Variants in HSPA12A observed in about 807,000 individuals in gnomAD.
HSPA12A encodes heat shock protein family A (Hsp70) member 12A, also known as heat shock 70 kDa protein 12A.
HSPA12A carries 28 observed loss-of-function variants against 69.2 expected under a neutral mutation model. That is an observed-to-expected ratio of 0.40 (90% confidence interval 0.30 to 0.55). HSPA12A has a LOEUF of 0.55. Among genes scored for constraint, HSPA12A ranks in the 20% least tolerant of loss-of-function variants. The pLI is 0.38. For missense variants in HSPA12A, 686 were observed against 900.7 expected (o/e 0.76, Z 3.05); for synonymous variants, 345 against 370.5 (o/e 0.93, Z 0.79).
intron 2 of HSPA12A, among the ~76,000 whole-genome samples, chr10:116,801,140 T>C (rs965430163): frequency 6.6e-6 from 1 of 152,238 alleles, no homozygotes; most frequent in Non-Finnish European, 1.5e-5. Flanking sequence ...CAACACATCC[T>C]ATTTCCGGTC....
intron 2 of HSPA12A, among the ~76,000 whole-genome samples, chr10:116,828,046 T>C (rs1239069598): frequency 1.3e-5 from 2 of 152,232 alleles, no homozygotes; most frequent in African/African-American, 4.8e-5. Flanking sequence ...TTGCCTTAGT[T>C]TCTTTTCAGT....
At chr10:116,844,295 T>C (rs909595097) in intron 1 of HSPA12A, among the ~76,000 whole-genome samples, 1 of 152,210 alleles carries the variant, frequency 6.6e-6, no homozygotes, top group Non-Finnish European at 1.5e-5. Context: ...TCAAAGGTAG[T>C]TGCAACTGTT....
rs146488596 is a variant in HSPA12A, at chr10:116,785,179, T to C, written c.91+49756A>G. 2.4e-3 allele frequency among the ~76,000 whole-genome samples: 363 copies of C among 152,238 alleles called. 1 individual carries two copies. The highest frequency in any genetic ancestry group is 7.7e-3 in the African/African-American group (321 of 41,532). ...GGGCTTGACCCCTGCATGTCCACTC[T>C]CAGATTCCTTTCCTCCCCCTCCCAC... On this transcript the variant is annotated intron_variant, in intron 2 of 12. Transcript: ENST00000635765.
intron 10 of HSPA12A, among the ~76,000 whole-genome samples, chr10:116,677,287 T>A (rs1849267754): frequency 6.6e-6 from 1 of 152,222 alleles, no homozygotes; most frequent in Non-Finnish European, 1.5e-5. Context: ...GTGCCCCTCC[T>A]GTTCTCAGAG....
chr10:116,713,584 G>A (rs1453717067), intron 1 of HSPA12A, among the ~76,000 whole-genome samples: 2 of 152,078 alleles, frequency 1.3e-5, no homozygotes, highest in African/African-American at 2.4e-5. Context: ...CAGGGAGAGC[G>A]AACTGGGGCA....
Position 116,673,099 on chromosome 10 carries a change from T to C in HSPA12A, c.*1682A>G, listed in dbSNP as rs1007120995. ...TTCATTATGCATGCCTCCAGTGATT[T>C]AATGAATTTCAGCAGGTGGAAAAGA... On this transcript the variant is annotated 3_prime_UTR_variant, in exon 12 of 12. Coordinates refer to ENST00000369209, the MANE Select transcript of HSPA12A (RefSeq NM_025015.3). 2 of 152,624 alleles carry C rather than the reference T, an allele frequency of 1.3e-5. No homozygotes were observed. The highest frequency in any genetic ancestry group is 6.5e-5 in the Admixed American group (1 of 15,286). The allele number at this position is 152,624 out of a possible 1,614,324, so 9.5% of individuals were successfully genotyped here.
rs1268138871 is a variant in HSPA12A, at chr10:116,710,898, AG to A, written c.41-3614del. ...GTCAAAATGATGCTCAAAAATTCTC[AG>A]GGGAAAAAAAACGGAAAAGCCTATC... On this transcript the variant is annotated intron_variant, in intron 1 of 11. Transcript: ENST00000369209. This position sits in a 1 kb window ranked among gnomAD's most constrained non-coding sequence, Gnocchi z 4.1. Among the ~76,000 whole-genome samples, 1 of 152,190 alleles carries A rather than the reference AG, an allele frequency of 6.6e-6. No homozygotes were observed. The highest frequency in any genetic ancestry group is 1.5e-5 in the Non-Finnish European group (1 of 68,044).
chr10:116,781,759 T>C (rs1844469333), intron 2 of HSPA12A, among the ~76,000 whole-genome samples: 1 of 152,204 alleles, frequency 6.6e-6, no homozygotes, highest in African/African-American at 2.4e-5. Context: ...GAGGGTCTGC[T>C]GTGGGCTCTG....
chr10:116,695,841 G>A (rs7897233), intron 5 of HSPA12A, among the ~76,000 whole-genome samples: 8,303 of 42,100 alleles, frequency 0.2, 422 homozygotes, highest in East Asian at 0.42. Context: ...AAAGAAAAAA[G>A]AAAAAACAAA....
In HSPA12A at chr10:116,686,959, C is replaced by G. The variant is rs1295944653; in HGVS notation, c.664-2997G>C. ...ACCCCTGAAATTCTGAGCAGGAACT[C>G]TGACTTAGATGGGAAATCTTTATAT... On this transcript the variant is annotated intron_variant, in intron 6 of 11. Coordinates refer to ENST00000369209, the MANE Select transcript of HSPA12A (RefSeq NM_025015.3). This position sits in a 1 kb window ranked among gnomAD's most constrained non-coding sequence, Gnocchi z 4.1. 1.3e-5 allele frequency among the ~76,000 whole-genome samples: 2 copies of G among 152,212 alleles called. No individual in the cohort carries two copies. Among genetic ancestry groups the G allele is most frequent in the Non-Finnish European group, 2.9e-5 (2 of 68,048 alleles).
intron 1 of HSPA12A, among the ~76,000 whole-genome samples, chr10:116,837,834 A>C (rs1845743103): frequency 6.6e-6 from 1 of 152,082 alleles, no homozygotes; most frequent in Non-Finnish European, 1.5e-5. Flanking sequence ...AAAATTCTTT[A>C]AATCTAAGCC....
chr10:116,799,378 C>T (rs1681736), intron 2 of HSPA12A, among the ~76,000 whole-genome samples: 45,823 of 152,142 alleles, frequency 0.3, 8,131 homozygotes, highest in Non-Finnish European at 0.4. Context: ...TACTGAACAG[C>T]GTGTCAATAC....
chr10:116,819,407 C>T (rs11596173), intron 2 of HSPA12A, among the ~76,000 whole-genome samples: 62,180 of 151,996 alleles, frequency 0.41, 13,551 homozygotes, highest in Middle Eastern at 0.53. Flanking sequence ...AATCTAATTC[C>T]CAGTGTGCTT....
Position 116,849,392 on chromosome 10 carries a change from G to A in HSPA12A, c.3+174C>T. 4 of 811,932 alleles carry A rather than the reference G, an allele frequency of 4.9e-6. No individual in the cohort carries two copies. The South Asian group carries it at 1.6e-4, about 32-fold the overall frequency. The allele number at this position is 811,932 out of a possible 1,614,324, so 50.3% of individuals were successfully genotyped here. On this transcript the variant is annotated intron_variant, in intron 1 of 12. Transcript: ENST00000635765. ...CCGCAGGGAGAAAAGACAGAGCAGC[G>A]AGCGCAAATACCATCCTAGCTCCAA...
intron 2 of HSPA12A, among the ~76,000 whole-genome samples, chr10:116,759,193 A>G (rs747760084): frequency 1.0e-3 from 156 of 152,208 alleles, no homozygotes; most frequent in Non-Finnish European, 2.0e-3. Context: ...CCATTAAGGT[A>G]TATCCAGCTG....
Position 116,679,723 on chromosome 10 carries a change from C to G in HSPA12A, c.1066G>C (p.Glu356Gln). 6.2e-7 allele frequency: 1 copy of G among 1,614,084 alleles called. No individual in the cohort carries two copies. The highest frequency in any genetic ancestry group is 8.5e-7 in the Non-Finnish European group (1 of 1,180,010). ...CCAAATATTTTATACAGAAGTTTTT[C>G]GAACTCATAATCTACTCCTAAAGAT... is the stretch of plus-strand genomic sequence containing the variant. ...YGSLGVDYEF[E>Q]KLLYKIFGED... The change falls in exon 10 of 12, where the codon GAA becomes CAA. Residue 356 changes from glutamate to glutamine, a missense_variant. Coordinates refer to ENST00000369209, the MANE Select transcript of HSPA12A (RefSeq NM_025015.3).
rs201730028 is a variant in HSPA12A at position 116,676,423 on chromosome 10, T to C, written c.1366A>G (p.Ile456Val). The C allele has an allele frequency of 4.3e-6, 7 of 1,613,942 alleles. No homozygotes were observed. In the East Asian group the frequency reaches 1.6e-4, roughly 36 times the overall value. ...DAMNALFKPT[I>V]DSIIEHLRDL... ...CGGAGATGCTCAATGATGCTATCGA[T>C]GGTCGGCTTAAAAAGGGCGTTCATG... The change falls in exon 11 of 12, where the codon ATC becomes GTC. Residue 456 changes from isoleucine to valine, a missense_variant. Physicochemically the swap from Ile to Val is conservative, Grantham distance 29 (BLOSUM62 3). Transcript: ENST00000369209.
At chr10:116,754,091 T>G (rs1308893800) in intron 2 of HSPA12A, among the ~76,000 whole-genome samples, 3 of 152,192 alleles carry the variant, frequency 2.0e-5, no homozygotes, top group African/African-American at 7.2e-5. Flanking sequence ...ATGAGCAATT[T>G]AGTCACCACT....
At chr10:116,842,293 C>A (rs1179217563) in intron 1 of HSPA12A, among the ~76,000 whole-genome samples, 2 of 152,074 alleles carry the variant, frequency 1.3e-5, no homozygotes, top group Non-Finnish European at 2.9e-5. Context: ...ATTTTTTTGC[C>A]ATAACTTGAT....
Sources: gnomAD v4.1 joint callset for allele counts (sites outside exome capture counted in the v4.1 genomes callset) on GRCh38, gnomAD v4.1.1 for gene constraint, Gnocchi (gnomAD v3.1) non-coding constraint, MANE v1.5 for transcripts, NCBI Gene and HGNC (gene_info 2026-07-23, HGNC 2026-07-21) for gene names.